CCDC57: variants seen among roughly 807,000 people sequenced by gnomAD.
CCDC57 encodes the protein coiled-coil domain containing 57, also known as coiled-coil domain-containing protein 57.
Under a neutral mutation model 118.9 loss-of-function variants are expected in CCDC57, and 118 were observed. That is an observed-to-expected ratio of 0.99 (90% CI 0.86 to 1.16). The LOEUF is 1.16. Ranked by LOEUF, CCDC57 falls within the 50% of genes most tolerant of loss-of-function variation. The pLI is 0.00. For missense variants in CCDC57, 1,300 were observed against 1,320.7 expected, an observed-to-expected ratio of 0.98 and a Z score of 0.24; for synonymous variants, 527 against 532.9, an observed-to-expected ratio of 0.99 and a Z score of 0.15.
chr17:82,152,605 C>G (rs1303946120), intron 15 of CCDC57, among the ~76,000 whole-genome samples: 1 of 152,228 alleles, frequency 6.6e-6, no homozygotes, highest in African/African-American at 2.4e-5. Flanking sequence ...AATGGGGGCA[C>G]AGGAAAAAGC....
At position 82,151,421 on chromosome 17, in the gene CCDC57, C is replaced by T. The variant is rs2042049736; in HGVS notation, c.2455+139G>A. ...CCCACACCCAGAACCTGGCGCACCCCCAGAATCTGACCCACATCCAGAACC... is the reference window on the plus strand; with the variant it reads ...CCCACACCCAGAACCTGGCGCACCCTCAGAATCTGACCCACATCCAGAACC... On this transcript the variant is annotated intron_variant, in intron 16 of 19. Coordinates refer to ENST00000665763, the Ensembl canonical transcript of CCDC57. 4.1e-5 allele frequency: 12 copies of T among 290,600 alleles called. 1 individual carries two copies. The highest frequency in any genetic ancestry group is 4.6e-6 in the Non-Finnish European group (1 of 219,166). 18.0% of individuals were successfully genotyped at this position (290,600 alleles called of 1,614,324 possible).
At chr17:82,177,490 G>A (rs2045674445) in intron 11 of CCDC57, among the ~76,000 whole-genome samples, 1 of 152,184 alleles carries the variant, frequency 6.6e-6, no homozygotes. Flanking sequence ...GGAGATTGCA[G>A]TGAGCTGAGA....
intron 14 of CCDC57, among the ~76,000 whole-genome samples, 157 bp downstream of exon 13, chr17:82,163,043 C>T (rs117483457): frequency 1.3e-5 from 2 of 152,338 alleles, no homozygotes; most frequent in South Asian, 2.1e-4. Context: ...TTCCTAGGAC[C>T]TCCCCACAGC....
At chr17:82,152,983 C>G (rs1467308457) in intron 15 of CCDC57, among the ~76,000 whole-genome samples, 1 of 152,222 alleles carries the variant, frequency 6.6e-6, no homozygotes, top group Non-Finnish European at 1.5e-5. Context: ...CAGGCCCCAG[C>G]TGAGGACGGG....
chr17:82,147,898 A>G (rs1420160045), intron 16 of CCDC57, among the ~76,000 whole-genome samples: 4 of 32,350 alleles, frequency 1.2e-4, no homozygotes, highest in Non-Finnish European at 5.3e-5. Flanking sequence ...ATGGATGGAT[A>G]GATAGGTGGG....
rs906546485 is a variant in CCDC57 at position 82,141,198 on chromosome 17, T to G, written c.2456-7004A>C. On this transcript the variant is annotated intron_variant, in intron 16 of 19. Transcript: ENST00000665763. The stretch of plus-strand genomic sequence containing the variant: ...GCTAATTTTTTTTTTTTTTTTTTTT[T>G]TGTGAGACAGAGTCTTGCTCTTGTT... Among the ~76,000 whole-genome samples, 406 of 118,320 alleles carry G rather than the reference T, an allele frequency of 3.4e-3. 3 individuals carry two copies. Among genetic ancestry groups the G allele is most frequent in the South Asian group, 6.3e-3 (22 of 3,486 alleles). 77.6% of individuals were successfully genotyped at this position (118,320 alleles called of 152,430 possible).
chr17:82,163,096 C>T (rs1432936763), intron 14 of CCDC57, 104 bp downstream of exon 13: 3 of 1,417,068 alleles, frequency 2.1e-6, no homozygotes, highest in Admixed American at 1.9e-5. Context: ...TCAGTGGATG[C>T]CCGAGGTCAC....
chr17:82,211,863 T>C (rs530874857), intron 1 of CCDC57, among the ~76,000 whole-genome samples: 1 of 152,308 alleles, frequency 6.6e-6, no homozygotes, highest in East Asian at 1.9e-4. Flanking sequence ...ACGCGCTCGG[T>C]TGATGGTACC....
intron 4 of CCDC57, among the ~76,000 whole-genome samples, chr17:82,196,095 A>G (rs1466771561): frequency 6.6e-6 from 1 of 152,206 alleles, no homozygotes; most frequent in Non-Finnish European, 1.5e-5. Context: ...TCTGACAAGA[A>G]TGGCTGCGCC....
chr17:82,138,270 TC>T (rs2145504211), intron 16 of CCDC57, among the ~76,000 whole-genome samples: 1 of 148,554 alleles, frequency 6.7e-6, no homozygotes, highest in African/African-American at 2.5e-5. Context: ...TGCCTCAGCC[TC>T]CCGAGTAGCT....
intron 19 of CCDC57, chr17:82,112,747 C>G (rs2035369464): frequency 6.6e-6 from 1 of 152,596 alleles, no homozygotes; most frequent in East Asian, 1.9e-4. Flanking sequence ...AGGCCAGGGC[C>G]CCAGGGTTCA....
At chr17:82,112,636 C>T (rs2035358138) in intron 19 of CCDC57, 1 of 152,338 alleles carries the variant, frequency 6.6e-6, no homozygotes, top group Admixed American at 6.5e-5. Context: ...CTTCTGTGTC[C>T]CCAGACCCTA....
intron 5 of CCDC57, 94 bp from the exon 5 acceptor site, chr17:82,194,233 G>T: frequency 7.6e-7 from 1 of 1,319,108 alleles, no homozygotes; most frequent in Non-Finnish European, 1.0e-6. Context: ...GGATTGGGAG[G>T]GAGAAGAAAA....
At chr17:82,167,821 G>A (rs2044194812) in intron 13 of CCDC57, among the ~76,000 whole-genome samples, 1 of 152,194 alleles carries the variant, frequency 6.6e-6, no homozygotes, top group African/African-American at 2.4e-5. Flanking sequence ...TCGCCATGTT[G>A]GCCAGGCTGG....
chr17:82,157,375 T>C, intron 15 of CCDC57: 1 of 1,043,580 alleles, frequency 9.6e-7, no homozygotes, highest in African/African-American at 1.6e-5. Flanking sequence ...CAGGCATGGC[T>C]GTGCACGCAG....
At chr17:82,151,572 C>G in exon 16 of CCDC57, 1 of 1,550,336 alleles carries the variant, frequency 6.5e-7, no homozygotes, top group South Asian at 1.2e-5. Context: ...TCGGGTCGGC[C>G]CAGCTCTGCA....
intron 8 of CCDC57, among the ~76,000 whole-genome samples, chr17:82,184,755 G>A (rs1245556499): frequency 6.6e-6 from 1 of 152,220 alleles, no homozygotes; most frequent in East Asian, 1.9e-4. Context: ...CCTAGCATGA[G>A]TGGTGCACTC....
At chr17:82,209,842 G>A (rs951930604) in intron 1 of CCDC57, among the ~76,000 whole-genome samples, 3 of 152,114 alleles carry the variant, frequency 2.0e-5, no homozygotes, top group African/African-American at 7.2e-5. Flanking sequence ...CATGTGTATA[G>A]TGTATAGAAA....
intron 13 of CCDC57, among the ~76,000 whole-genome samples, chr17:82,169,388 CAA>C (rs1275762597): frequency 6.6e-6 from 1 of 152,210 alleles, no homozygotes; most frequent in Non-Finnish European, 1.5e-5. Context: ...CTCGGCCTCC[CAA>C]AGTGCTGGGA....
Sources: allele counts gnomAD v4.1 joint callset (sites outside exome capture counted in the v4.1 genomes callset), GRCh38; gene constraint gnomAD v4.1.1; transcripts MANE v1.5; gene names NCBI Gene and HGNC (gene_info 2026-07-23, HGNC 2026-07-21).